GML: variants seen among roughly 807,000 people sequenced by gnomAD.
The protein encoded by GML is glycosyl-phosphatidylinositol-anchored molecule-like protein.
GML carries 5 observed loss-of-function variants against 8.2 expected under a neutral mutation model. That is an observed-to-expected ratio of 0.61 (90% CI 0.32 to 1.28). GML has a LOEUF of 1.28. Ranked by LOEUF, GML falls within the 50% of genes most tolerant of loss-of-function variation. GML has a pLI of 0.06. For missense variants in GML, 191 were observed against 198.3 expected (o/e 0.96, Z 0.22); for synonymous variants, 72 against 69.0 (o/e 1.04, Z -0.22).
chr8:142,835,582 C>T (rs941666743), intron 1 of GML, among the ~76,000 whole-genome samples: 2 of 152,316 alleles, frequency 1.3e-5, no homozygotes, highest in African/African-American at 4.8e-5. Flanking sequence ...TTCTATTTTT[C>T]ATTCTTTATT....
At chr8:142,844,450 A>C (rs1325060123) in intron 3 of GML, among the ~76,000 whole-genome samples, 1 of 152,242 alleles carries the variant, frequency 6.6e-6, no homozygotes, top group African/African-American at 2.4e-5. Flanking sequence ...TGAAATTGAT[A>C]GGTTGAATTA....
At chr8:142,841,901 C>G (rs116249033) in intron 3 of GML, among the ~76,000 whole-genome samples, 1,670 of 152,258 alleles carry the variant, frequency 0.011, 28 homozygotes, top group African/African-American at 0.038. Flanking sequence ...CTTTTGTCCC[C>G]GGTGTCTGTG....
chr8:142,835,990 G>T (rs1816337244), intron 1 of GML, among the ~76,000 whole-genome samples: 1 of 152,170 alleles, frequency 6.6e-6, no homozygotes, highest in South Asian at 2.1e-4. Context: ...TTTGTCTGAA[G>T]CCATCTTAAG....
At chr8:142,840,967 G>C in intron 2 of GML, 151 bp from the exon 3 acceptor site, 1 of 609,712 alleles carries the variant, frequency 1.6e-6, no homozygotes. Flanking sequence ...GCCAGACTCA[G>C]ACTGCATAGA....
In GML at chr8:142,843,602, C is replaced by T. The variant is rs1816467467; in HGVS notation, c.181+2377C>T. ...CTTACTATTCATCAGAGACAACAAA[C>T]TTCAAATAACAAATATCTTTAGGAA... On this transcript the variant is annotated intron_variant, in intron 3 of 3. Coordinates refer to ENST00000220940, the MANE Select transcript of GML (RefSeq NM_002066.3). Among the ~76,000 whole-genome samples the T allele has an allele frequency of 2.0e-5, 3 of 152,134 alleles. No individual in the cohort carries two copies. In the South Asian group the frequency reaches 6.2e-4, roughly 32 times the overall value.
At chr8:142,842,066 G>A (rs1816442395) in intron 3 of GML, among the ~76,000 whole-genome samples, 1 of 152,156 alleles carries the variant, frequency 6.6e-6, no homozygotes. Flanking sequence ...GGAGGGACCT[G>A]GTGGGAGGTA....
intron 2 of GML, among the ~76,000 whole-genome samples, 199 bp downstream of exon 2, chr8:142,840,709 G>C (rs1816418505): frequency 6.6e-6 from 1 of 152,202 alleles, no homozygotes; most frequent in Admixed American, 6.5e-5. Flanking sequence ...AGGAGCAGCT[G>C]ACCAGGGACC....
intron 3 of GML, among the ~76,000 whole-genome samples, chr8:142,843,298 A>ACACACACACACC (rs1031495895): frequency 9.6e-5 from 14 of 145,546 alleles, no homozygotes; most frequent in South Asian, 2.2e-4. Flanking sequence ...ACACACACAC[A>ACACACACACACC]CCATAACCCC....
chr8:142,835,397 G>T (rs1384240248), intron 1 of GML, among the ~76,000 whole-genome samples: 1 of 152,186 alleles, frequency 6.6e-6, no homozygotes, highest in Non-Finnish European at 1.5e-5. Flanking sequence ...CACACTGTCT[G>T]TGATTCCCCA....
intron 1 of GML, among the ~76,000 whole-genome samples, chr8:142,836,932 G>A (rs572560419): frequency 1.3e-5 from 2 of 152,228 alleles, no homozygotes; most frequent in Admixed American, 6.5e-5. Context: ...CTTTTCTTTC[G>A]GAGGAAATAA....
chr8:142,841,252 C>A (rs781232594), intron 3 of GML, 27 bp downstream of exon 3: 1 of 1,110,008 alleles, frequency 9.0e-7, no homozygotes. Flanking sequence ...CATTTTGACA[C>A]ATTGTAGATT....
Position 142,846,546 on chromosome 8 carries a change from T to C in GML, c.333T>C (p.Asn111=). 6.2e-7 allele frequency: 1 copy of C among 1,614,158 alleles called. No homozygotes were observed. The highest frequency in any genetic ancestry group is 8.5e-7 in the Non-Finnish European group (1 of 1,179,984). Residue 111 remains asparagine (N), a synonymous_variant, in exon 4 of 4, where the codon AAT becomes AAC. Transcript: ENST00000220940. ...WVCCCNSMVC[N]AGGPTNLERD... ...GTTGTTGTAATAGCATGGTTTGCAA[T>C]GCAGGAGGACCTACTAATCTTGAAA...
At chr8:142,841,261 T>C (rs1563859027) in intron 3 of GML, 36 bp downstream of exon 3, 1 of 1,035,662 alleles carries the variant, frequency 9.7e-7, no homozygotes, top group South Asian at 1.3e-5. Context: ...ACATTGTAGA[T>C]TAGTCCCCTA....
At position 142,840,423 on chromosome 8, in the gene GML, C is replaced by T. The variant is rs368117158; in HGVS notation, c.-15C>T. On this transcript the variant is annotated 5_prime_UTR_variant, in exon 2 of 4. Transcript: ENST00000220940. ...GGGGCTCCTTCCCTTCAGGTCCAGG[C>T]TCCTGCGTGAAGTGATGCTCCTCTT... is the stretch of plus-strand genomic sequence containing the variant. 6.2e-7 allele frequency: 1 copy of T among 1,608,422 alleles called. No homozygotes were observed. Among genetic ancestry groups the T allele is most frequent in the African/African-American group, 1.3e-5 (1 of 74,806 alleles).
Position 142,840,382 on chromosome 8 carries a change from C to T in GML, c.-22-34C>T, listed in dbSNP as rs553529825. On this transcript the variant is annotated intron_variant, in intron 1 of 3. Transcript: ENST00000220940. Reference sequence around the variant, plus strand: ...TAGAGCTGGCCAAGGAGCCATGGCTCACTAACGTGTTGTATGGGGCTCCTT... The same window carrying T: ...TAGAGCTGGCCAAGGAGCCATGGCTTACTAACGTGTTGTATGGGGCTCCTT... The T allele has an allele frequency of 7.5e-6, 10 of 1,336,216 alleles. No individual in the cohort carries two copies. In the East Asian group the frequency reaches 2.1e-4, roughly 28 times the overall value. The allele number at this position is 1,336,216 out of a possible 1,614,324, so 82.8% of individuals were successfully genotyped here. A position where few individuals can be genotyped will look rare whatever the true frequency, so the allele number is the denominator to read the frequency against.
At chr8:142,836,236 G>A (rs918651155) in intron 1 of GML, among the ~76,000 whole-genome samples, 1 of 152,234 alleles carries the variant, frequency 6.6e-6, no homozygotes, top group Non-Finnish European at 1.5e-5. Context: ...GTGGGACTGA[G>A]CCCTTCACCT....
Position 142,836,020 on chromosome 8 carries a change from A to G in GML, c.-23+1152A>G, listed in dbSNP as rs147247079. On this transcript the variant is annotated intron_variant, in intron 1 of 3. Coordinates refer to ENST00000220940, the MANE Select transcript of GML (RefSeq NM_002066.3). ...CTTAAGCTTACCCTGTATTTGCCCC[A>G]TGCATCTCTTCCGTTTCACGGTTCC... Among the ~76,000 whole-genome samples, 1,380 of 152,346 alleles carry G rather than the reference A, an allele frequency of 9.1e-3. 8 individuals are homozygous for G. The highest frequency in any genetic ancestry group is 0.015 in the Non-Finnish European group (1,052 of 68,034).
At chr8:142,844,559 T>C (rs1402462159) in intron 3 of GML, among the ~76,000 whole-genome samples, 1 of 152,224 alleles carries the variant, frequency 6.6e-6, no homozygotes, top group Non-Finnish European at 1.5e-5. Context: ...ATGTATTTAC[T>C]AAAGTACTTG....
intron 3 of GML, among the ~76,000 whole-genome samples, chr8:142,843,227 T>A (rs1055318878): frequency 6.9e-6 from 1 of 144,322 alleles, no homozygotes; most frequent in African/African-American, 2.6e-5. Flanking sequence ...TCTGAAAACC[T>A]AAAACTATTT....
Sources: allele counts gnomAD v4.1 joint callset (sites outside exome capture counted in the v4.1 genomes callset), GRCh38; gene constraint gnomAD v4.1.1; transcripts MANE v1.5; gene names NCBI Gene and HGNC (gene_info 2026-07-23, HGNC 2026-07-21).